ALK: variants seen among roughly 807,000 people sequenced by gnomAD.
ALK encodes ALK receptor tyrosine kinase.
ALK carries 74 observed loss-of-function variants against 163.1 expected under a neutral mutation model. That is an observed-to-expected ratio of 0.45 (90% confidence interval 0.38 to 0.55). ALK has a LOEUF of 0.55. Ranked by LOEUF, ALK falls within the 20% of genes least tolerant of loss-of-function variation. ALK has a pLI of 0.00. For missense variants in ALK, 2,063 were observed against 2,105.3 expected, an observed-to-expected ratio of 0.98 and a Z score of 0.39; for synonymous variants, 960 against 843.2, an observed-to-expected ratio of 1.14 and a Z score of -2.40.
chr2:29,900,873 G>C (rs1667395511), intron 1 of ALK, among the ~76,000 whole-genome samples: 1 of 152,170 alleles, frequency 6.6e-6, no homozygotes, highest in African/African-American at 2.4e-5. Context: ...AGGGACAAGG[G>C]AAGTGAGTGA....
chr2:29,810,377 G>A (rs892510702), intron 1 of ALK, among the ~76,000 whole-genome samples: 3 of 143,392 alleles, frequency 2.1e-5, no homozygotes, highest in African/African-American at 5.2e-5. Context: ...AGCAGAGACT[G>A]TACCATTTCA....
At chr2:29,306,858 C>A (rs115584367) in intron 8 of ALK, among the ~76,000 whole-genome samples, 1 of 152,172 alleles carries the variant, frequency 6.6e-6, no homozygotes, top group Non-Finnish European at 1.5e-5. Context: ...GCAAATGAGA[C>A]AAGTGAGTAG....
chr2:29,225,631 C>G (rs1462983757), intron 18 of ALK, 66 bp from the exon 19 acceptor site: 11 of 1,319,588 alleles, frequency 8.3e-6, no homozygotes, highest in African/African-American at 1.4e-5. Context: ...GGTCCCAAGT[C>G]AGAAATAACC....
At position 29,694,060 on chromosome 2, in the gene ALK, A is replaced by G. The variant is rs148392599; in HGVS notation, c.952+790T>C. On this transcript the variant is annotated intron_variant, in intron 3 of 28. Coordinates refer to ENST00000389048, the MANE Select transcript of ALK (RefSeq NM_004304.5). ...GAACATAGGCTTTCAATTCTGAGTT[A>G]GTAGAGTTTTCTAGGTCCAAGACAT... Among the ~76,000 whole-genome samples the G allele has an allele frequency of 4.0e-3, 602 of 152,334 alleles. 4 individuals carry two copies. The highest frequency in any genetic ancestry group is 0.014 in the African/African-American group (571 of 41,570).
At chr2:29,909,738 T>C (rs1572492521) in intron 1 of ALK, among the ~76,000 whole-genome samples, 1 of 152,164 alleles carries the variant, frequency 6.6e-6, no homozygotes, top group African/African-American at 2.4e-5. Flanking sequence ...CCTCATTGAA[T>C]ACCTTTGAAT....
rs141357778 is a variant in ALK at position 29,230,165 on chromosome 2, C to T, written c.2633-1099G>A. ...TATATAAAGTGGCATAGTATTTGCA[C>T]ATTCTCCTATAAAAAAATCATCTCT... On this transcript the variant is annotated intron_variant, in intron 15 of 28. Transcript: ENST00000389048. Among the ~76,000 whole-genome samples, 3 of 152,166 alleles carry T rather than the reference C, an allele frequency of 2.0e-5. No homozygotes were observed. In the East Asian group the frequency reaches 5.8e-4, roughly 29 times the overall value.
intron 4 of ALK, among the ~76,000 whole-genome samples, chr2:29,430,761 G>T (rs1670253822): frequency 6.6e-6 from 1 of 152,222 alleles, no homozygotes; most frequent in South Asian, 2.1e-4. Context: ...AATGAACAAA[G>T]AAATGAATGG....
intron 5 of ALK, among the ~76,000 whole-genome samples, chr2:29,344,518 G>T (rs1015012917): frequency 6.6e-6 from 1 of 152,174 alleles, no homozygotes; most frequent in African/African-American, 2.4e-5. Flanking sequence ...GATAGTCCCA[G>T]TTGAGCTCAG....
At chr2:29,365,840 G>A (rs780831479) in intron 5 of ALK, among the ~76,000 whole-genome samples, 1 of 152,114 alleles carries the variant, frequency 6.6e-6, no homozygotes, top group Non-Finnish European at 1.5e-5. Context: ...TTTAGCTAGA[G>A]ACAGCTGGAC....
chr2:29,335,341 T>C (rs1395180083), intron 5 of ALK, among the ~76,000 whole-genome samples: 2 of 152,228 alleles, frequency 1.3e-5, no homozygotes, highest in African/African-American at 2.4e-5. Flanking sequence ...TACCTTTATA[T>C]AGCATTTTAA....
chr2:29,443,896 C>T (rs549006450), intron 4 of ALK, among the ~76,000 whole-genome samples: 3 of 152,306 alleles, frequency 2.0e-5, no homozygotes, highest in Non-Finnish European at 2.9e-5. Context: ...TAACTTCAAA[C>T]GTACCTAGGA....
chr2:29,653,998 C>A (rs574544202), intron 3 of ALK, among the ~76,000 whole-genome samples: 1 of 152,050 alleles, frequency 6.6e-6, no homozygotes, highest in East Asian at 1.9e-4. Flanking sequence ...AGGGAGGTTG[C>A]GGTGAGCTGA....
chr2:29,743,749 T>G (rs942188817), intron 1 of ALK, among the ~76,000 whole-genome samples: 1 of 152,184 alleles, frequency 6.6e-6, no homozygotes, highest in Admixed American at 6.5e-5. Flanking sequence ...GGCCTGCCAG[T>G]CTTTGTTTAA....
At chr2:29,433,823 C>T (rs1012376813) in intron 4 of ALK, among the ~76,000 whole-genome samples, 1 of 152,048 alleles carries the variant, frequency 6.6e-6, no homozygotes, top group South Asian at 2.1e-4. Flanking sequence ...GAACTTATTT[C>T]CTGGCATAAA....
At chr2:29,861,009 A>G (rs1477911902) in intron 1 of ALK, among the ~76,000 whole-genome samples, 1 of 152,160 alleles carries the variant, frequency 6.6e-6, no homozygotes, top group Admixed American at 6.5e-5. Flanking sequence ...TATCTCTACA[A>G]AAAAATAAAA....
intron 5 of ALK, among the ~76,000 whole-genome samples, chr2:29,377,373 C>A (rs1573296874): frequency 6.6e-6 from 1 of 151,466 alleles, no homozygotes; most frequent in South Asian, 2.1e-4. Context: ...TACTCAGGAG[C>A]CTGAGGCAGG....
At chr2:29,264,493 A>G (rs1420098304) in intron 11 of ALK, among the ~76,000 whole-genome samples, 1 of 152,186 alleles carries the variant, frequency 6.6e-6, no homozygotes, top group African/African-American at 2.4e-5. Flanking sequence ...GATGCTGTCT[A>G]TACACTAGTT....
intron 1 of ALK, among the ~76,000 whole-genome samples, chr2:29,873,552 T>G (rs933359047): frequency 1.3e-5 from 2 of 152,050 alleles, no homozygotes; most frequent in Admixed American, 1.3e-4. Flanking sequence ...AAGGGACAAC[T>G]AAAATCAGTG....
intron 2 of ALK, 155 bp downstream of exon 2, chr2:29,717,423 G>C (rs532153694): frequency 1.9e-5 from 17 of 887,732 alleles, no homozygotes; most frequent in Non-Finnish European, 2.7e-5. Flanking sequence ...GGGGTTGAGC[G>C]TCACTGGGAG....
Sources: allele counts gnomAD v4.1 joint callset (sites outside exome capture counted in the v4.1 genomes callset), GRCh38; gene constraint gnomAD v4.1.1; transcripts MANE v1.5; gene names NCBI Gene and HGNC (gene_info 2026-07-23, HGNC 2026-07-21).